The following ROBO2 variants were observed in gnomAD, a reference collection of about 807,000 sequenced individuals.
The protein encoded by ROBO2 is roundabout guidance receptor 2, also known as roundabout homolog 2.
Under a neutral mutation model 160.8 loss-of-function variants are expected in ROBO2, and 53 were observed. The observed-to-expected ratio is 0.33, with a 90% CI of 0.26 to 0.41. The LOEUF is 0.41. Among genes scored for constraint, ROBO2 ranks in the 10% least tolerant of loss-of-function variants. The pLI is 1.00. For missense variants in ROBO2, 1,577 were observed against 1,722.4 expected (o/e 0.92, Z 1.49); for synonymous variants, 664 against 611.7 (o/e 1.09, Z -1.26).
intron 2 of ROBO2, among the ~76,000 whole-genome samples, chr3:76,260,647 T>A: frequency 6.6e-6 from 1 of 152,252 alleles, no homozygotes; most frequent in East Asian, 1.9e-4. Flanking sequence ...TCAGGATTTA[T>A]ACAAATATAA....
At chr3:77,274,668 A>G (rs1189809176) in intron 2 of ROBO2, among the ~76,000 whole-genome samples, 1 of 152,142 alleles carries the variant, frequency 6.6e-6, no homozygotes, top group African/African-American at 2.4e-5. Flanking sequence ...AAGATGTGGC[A>G]TCTCTTCCAA....
chr3:77,602,465 T>C (rs1218211073), exon 20 of ROBO2: 3 of 1,614,174 alleles, frequency 1.9e-6, no homozygotes, highest in South Asian at 2.2e-5. Flanking sequence ...GGTTATTCTC[T>C]ACCTGATCAG....
intron 6 of ROBO2, among the ~76,000 whole-genome samples, chr3:77,534,911 G>A (rs573727751): frequency 3.9e-5 from 6 of 152,106 alleles, no homozygotes; most frequent in East Asian, 1.9e-4. Context: ...ATTGATACAC[G>A]CATATGCATA....
intron 2 of ROBO2, among the ~76,000 whole-genome samples, chr3:76,396,411 A>G (rs1441316642): frequency 6.6e-6 from 1 of 152,146 alleles, no homozygotes; most frequent in African/African-American, 2.4e-5. Flanking sequence ...GAAAACTGGC[A>G]CAAGACAGGG....
At chr3:76,603,309 G>A (rs1419061147) in intron 2 of ROBO2, among the ~76,000 whole-genome samples, 4 of 127,232 alleles carry the variant, frequency 3.1e-5, no homozygotes, top group African/African-American at 9.4e-5. Context: ...TCCAGCCTGG[G>A]TGACAGAGCG....
chr3:76,165,454 A>AT (rs149997821), intron 2 of ROBO2, among the ~76,000 whole-genome samples: 2,989 of 150,480 alleles, frequency 0.02, 118 homozygotes, highest in African/African-American at 0.068. Flanking sequence ...GGCTTGTTTG[A>AT]TTTTCTATCC....
intron 24 of ROBO2, among the ~76,000 whole-genome samples, chr3:77,638,505 A>C (rs1211111408): frequency 6.6e-6 from 1 of 152,134 alleles, no homozygotes; most frequent in South Asian, 2.1e-4. Context: ...CGTGGTGTCA[A>C]ACTAACTACT....
intron 2 of ROBO2, among the ~76,000 whole-genome samples, chr3:76,817,074 G>A (rs1213718469): frequency 6.6e-6 from 1 of 151,986 alleles, no homozygotes; most frequent in African/African-American, 2.4e-5. Flanking sequence ...AGTGTGGGGG[G>A]CATTGGGGAC....
intron 2 of ROBO2, among the ~76,000 whole-genome samples, chr3:77,192,260 G>C (rs2150950232): frequency 6.6e-6 from 1 of 152,000 alleles, no homozygotes; most frequent in East Asian, 1.9e-4. Flanking sequence ...GTTTTAATAT[G>C]CTGAACATGA....
At position 77,568,814 on chromosome 3, in the gene ROBO2, T is replaced by C. The variant is rs114246919; in HGVS notation, c.1971+380T>C. Among the ~76,000 whole-genome samples, 958 of 152,082 alleles carry C rather than the reference T, an allele frequency of 6.3e-3. 6 individuals are homozygous for C. The highest frequency in any genetic ancestry group is 0.011 in the Non-Finnish European group (723 of 67,936). The stretch of plus-strand genomic sequence containing the variant: ...GTGCCTGTTAACATTGATTCTCTCA[T>C]TTCCCCTACCGTAGCCCTGTGTAAC... On this transcript the variant is annotated intron_variant, in intron 13 of 25. Transcript: ENST00000461745.
chr3:76,626,580 T>C (rs527446170), intron 2 of ROBO2, among the ~76,000 whole-genome samples: 1 of 152,348 alleles, frequency 6.6e-6, no homozygotes, highest in Non-Finnish European at 1.5e-5. Flanking sequence ...ACATAGCATG[T>C]ATAGTTTAAA....
At chr3:77,228,614 G>A (rs772334507) in intron 2 of ROBO2, among the ~76,000 whole-genome samples, 18 of 151,962 alleles carry the variant, frequency 1.2e-4, no homozygotes, top group Non-Finnish European at 1.5e-4. Context: ...GGGAGGGGTA[G>A]CATTAGGAGA....
chr3:76,824,004 A>T (rs2066350690), intron 2 of ROBO2, among the ~76,000 whole-genome samples: 1 of 152,148 alleles, frequency 6.6e-6, no homozygotes, highest in South Asian at 2.1e-4. Flanking sequence ...CCTGGTTTGT[A>T]TGGCAGCTCT....
At chr3:76,654,371 CCTT>C (rs1335156184) in intron 2 of ROBO2, among the ~76,000 whole-genome samples, 1 of 152,062 alleles carries the variant, frequency 6.6e-6, no homozygotes, top group Non-Finnish European at 1.5e-5. Flanking sequence ...ATGAAAAAAA[CCTT>C]CTGCATTTTT....
chr3:76,048,113 A>G (rs1489618987), intron 2 of ROBO2, among the ~76,000 whole-genome samples: 1 of 152,098 alleles, frequency 6.6e-6, no homozygotes, highest in Non-Finnish European at 1.5e-5. Context: ...CATTTTATGG[A>G]ATGTATTGTC....
chr3:77,044,109 C>T (rs1240625616), intron 1 of ROBO2, among the ~76,000 whole-genome samples: 1 of 150,752 alleles, frequency 6.6e-6, no homozygotes, highest in Non-Finnish European at 1.5e-5. Context: ...TTTGATGCTA[C>T]GCAACATGTG....
In ROBO2 at chr3:77,307,528, A is replaced by G. The variant is rs190545338; in HGVS notation, c.389-169886A>G. Among the ~76,000 whole-genome samples the G allele has an allele frequency of 2.6e-4, 40 of 152,224 alleles. No homozygotes were observed. In the East Asian group the frequency reaches 7.0e-3, roughly 27 times the overall value. ...ACTGACAGCCTTCCCCAGGGCTCCC[A>G]TTGCTGGCTTCTTCACGAAGGCCTG... On this transcript the variant is annotated intron_variant, in intron 2 of 25. Transcript: ENST00000461745.
intron 2 of ROBO2, among the ~76,000 whole-genome samples, chr3:76,082,884 T>C (rs2108038104): frequency 6.6e-6 from 1 of 152,088 alleles, no homozygotes; most frequent in African/African-American, 2.4e-5. Context: ...TTTTTCAAAA[T>C]GTGAGCTGAT....
chr3:76,314,989 G>A (rs1220499131), intron 2 of ROBO2, among the ~76,000 whole-genome samples: 2 of 152,098 alleles, frequency 1.3e-5, no homozygotes, highest in African/African-American at 4.8e-5. Flanking sequence ...ACAAATGGGA[G>A]GTAAATAGGT....
Sources: gnomAD v4.1 joint callset for allele counts (sites outside exome capture counted in the v4.1 genomes callset) on GRCh38, gnomAD v4.1.1 for gene constraint, MANE v1.5 for transcripts, NCBI Gene and HGNC (gene_info 2026-07-23, HGNC 2026-07-21) for gene names.